The following MTMR2 variants were observed in gnomAD, a reference collection of about 807,000 sequenced individuals.
MTMR2 encodes myotubularin related protein 2.
In MTMR2, 55 loss-of-function variants were observed where a neutral mutation model predicts 86.9. The observed-to-expected ratio is 0.63, with a 90% CI of 0.51 to 0.79. The LOEUF (loss-of-function observed/expected upper bound fraction) is 0.79, where lower values mean the gene tolerates loss of function less well. MTMR2 is among the 30% of genes least tolerant of loss of function. MTMR2 has a pLI of 0.00. For synonymous variants in MTMR2, 241 were observed against 266.8 expected, an observed-to-expected ratio of 0.90 and a Z score of 0.94; for missense variants, 659 against 772.3, an observed-to-expected ratio of 0.85 and a Z score of 1.74.
At chr11:95,835,831 T>TGTTCAGCTAAA (rs1239784975) in intron 14 of MTMR2, among the ~76,000 whole-genome samples, 1 of 152,098 alleles carries the variant, frequency 6.6e-6, no homozygotes, top group Non-Finnish European at 1.5e-5. Flanking sequence ...ACCAGAATTT[T>TGTTCAGCTAAA]GTTCAGCTTT....
chr11:95,886,376 A>T (rs1489033306), intron 2 of MTMR2, among the ~76,000 whole-genome samples: 3 of 152,182 alleles, frequency 2.0e-5, no homozygotes, highest in Non-Finnish European at 2.9e-5. Flanking sequence ...AAAATATTTT[A>T]TATACAGATT....
chr11:95,870,723 C>CTTT (rs1002042311), intron 2 of MTMR2, among the ~76,000 whole-genome samples: 2 of 124,020 alleles, frequency 1.6e-5, no homozygotes, highest in African/African-American at 3.9e-5. Flanking sequence ...TTTTAAGGTT[C>CTTT]TTTTTTTCTT....
intron 2 of MTMR2, among the ~76,000 whole-genome samples, 178 bp downstream of exon 2, chr11:95,887,978 T>C (rs1341684853): frequency 8.5e-5 from 13 of 152,228 alleles, no homozygotes; most frequent in South Asian, 2.1e-4. Context: ...ATTACACATT[T>C]TTCTTTTACA....
At chr11:95,857,275 T>G (rs1239619540) in intron 7 of MTMR2, among the ~76,000 whole-genome samples, 2 of 152,122 alleles carry the variant, frequency 1.3e-5, no homozygotes, top group Non-Finnish European at 2.9e-5. Context: ...CAAGAAAGCA[T>G]AGTGGACAGG....
At chr11:95,877,927 T>C (rs1263141385) in intron 2 of MTMR2, among the ~76,000 whole-genome samples, 1 of 151,836 alleles carries the variant, frequency 6.6e-6, no homozygotes, top group Non-Finnish European at 1.5e-5. Context: ...AGCTACCCAG[T>C]TTGTGGTACT....
intron 1 of MTMR2, among the ~76,000 whole-genome samples, chr11:95,893,646 C>T (rs971100639): frequency 7.2e-5 from 11 of 152,104 alleles, no homozygotes; most frequent in Non-Finnish European, 1.5e-4. Flanking sequence ...CGATTAGAAA[C>T]ATCAGCTAGG....
intron 3 of MTMR2, among the ~76,000 whole-genome samples, chr11:95,863,657 G>A (rs1864501551): frequency 6.6e-6 from 1 of 152,014 alleles, no homozygotes; most frequent in African/African-American, 2.4e-5. Flanking sequence ...TCTTACTCAT[G>A]TAAGAAAACT....
chr11:95,916,143 C>T lies in MTMR2; in HGVS notation c.80+7732G>A, dbSNP rs187183087. ...TGTCTCTGGCATAAGTGAAATATTG[C>T]AGACTTTAGGTGGAAAATGTCTTTC... On this transcript the variant is annotated intron_variant, in intron 1 of 14. Coordinates refer to ENST00000346299, the MANE Select transcript of MTMR2 (RefSeq NM_016156.6). 9.3e-4 allele frequency among the ~76,000 whole-genome samples: 142 copies of T among 152,198 alleles called. 1 individual carries two copies. Among genetic ancestry groups the T allele is most frequent in the South Asian group, 8.9e-3 (43 of 4,830 alleles).
rs765744071 is a variant in MTMR2 at position 95,847,704 on chromosome 11, A to T, written c.1179+10T>A. 1.3e-6 allele frequency: 2 copies of T among 1,585,416 alleles called. No individual in the cohort carries two copies. Among genetic ancestry groups the T allele is most frequent in the African/African-American group, 1.3e-5 (1 of 74,656 alleles). On this transcript the variant is annotated intron_variant, in intron 10 of 14. Transcript: ENST00000346299. ...GAGTCTTTGTTTGGGATATAGTAAC[A>T]CACACCCACCTTAATATGTTCTAGC... is the stretch of plus-strand genomic sequence containing the variant.
In MTMR2 at chr11:95,894,885, G is replaced by A. The variant is rs570784916; in HGVS notation, c.81-6624C>T. ...CTCTGAGAAAATATGAGTAAAAATC[G>A]AATGCTCCTTTTGCCTGTTACTGTT... is the stretch of plus-strand genomic sequence containing the variant. On this transcript the variant is annotated intron_variant, in intron 1 of 14. Transcript: ENST00000346299. 5.3e-4 allele frequency among the ~76,000 whole-genome samples: 81 copies of A among 152,138 alleles called. 2 individuals carry two copies. In the South Asian group the frequency reaches 9.6e-3, roughly 18 times the overall value.
intron 10 of MTMR2, among the ~76,000 whole-genome samples, chr11:95,845,493 T>C (rs186542858): frequency 6.6e-6 from 1 of 152,296 alleles, no homozygotes; most frequent in East Asian, 1.9e-4. Context: ...CCATCATCTA[T>C]TTAAATAAAA....
chr11:95,853,352 T>C (rs190880183), intron 7 of MTMR2, among the ~76,000 whole-genome samples: 1 of 152,230 alleles, frequency 6.6e-6, no homozygotes, highest in African/African-American at 2.4e-5. Context: ...ACTTCCCTAA[T>C]TCAGGCCATT....
intron 2 of MTMR2, among the ~76,000 whole-genome samples, chr11:95,872,027 C>T (rs2135504054): frequency 6.6e-6 from 1 of 152,192 alleles, no homozygotes; most frequent in South Asian, 2.1e-4. Context: ...TCAGGTTTGT[C>T]AAAGATCAGA....
rs193075571 is a variant in MTMR2 at position 95,875,948 on chromosome 11, C to A, written c.187-10272G>T. On this transcript the variant is annotated intron_variant, in intron 2 of 14. Coordinates refer to ENST00000346299, the MANE Select transcript of MTMR2 (RefSeq NM_016156.6). ...TGAACAGCAAATGTTGCTGCCTGAT[C>A]GTTCCTCTGGAAGTTTTGTCTCAGA... Among the ~76,000 whole-genome samples, 4 of 152,294 alleles carry A rather than the reference C, an allele frequency of 2.6e-5. No homozygotes were observed. In the East Asian group the frequency reaches 5.8e-4, roughly 22 times the overall value.
chr11:95,895,496 G>A (rs866263479), intron 1 of MTMR2, among the ~76,000 whole-genome samples: 1 of 152,138 alleles, frequency 6.6e-6, no homozygotes, highest in East Asian at 1.9e-4. Context: ...AAATCTAAAT[G>A]CCAGGCTTAA....
At chr11:95,888,123 T>TG (rs1865577177) in intron 2 of MTMR2, 33 bp downstream of exon 2, 3 of 1,449,424 alleles carry the variant, frequency 2.1e-6, no homozygotes, top group Non-Finnish European at 2.9e-6. Context: ...TAACAGAAAG[T>TG]ACTTCATCAG....
chr11:95,875,895 G>C (rs1429896221), intron 2 of MTMR2, among the ~76,000 whole-genome samples: 4 of 152,196 alleles, frequency 2.6e-5, no homozygotes, highest in African/African-American at 9.6e-5. Flanking sequence ...GGTATCAGCA[G>C]CGGAGTCTGC....
chr11:95,839,682 G>A (rs1425072763), intron 12 of MTMR2, among the ~76,000 whole-genome samples: 1 of 152,168 alleles, frequency 6.6e-6, no homozygotes, highest in Non-Finnish European at 1.5e-5. Context: ...ATGGAAATAG[G>A]AGGAGAGGTA....
intron 1 of MTMR2, among the ~76,000 whole-genome samples, chr11:95,904,658 C>T (rs1407597297): frequency 1.3e-5 from 2 of 152,218 alleles, no homozygotes; most frequent in East Asian, 1.9e-4. Context: ...GAATAATCCA[C>T]CCCTTGTTTA....
Sources: gnomAD v4.1 joint callset for allele counts (sites outside exome capture counted in the v4.1 genomes callset) on GRCh38, gnomAD v4.1.1 for gene constraint, MANE v1.5 for transcripts, NCBI Gene and HGNC (gene_info 2026-07-23, HGNC 2026-07-21) for gene names.